The following ABTB3 variants were observed in gnomAD, a reference collection of about 807,000 sequenced individuals.
ABTB3 encodes the protein ankyrin repeat and BTB domain containing 3.
At chr12:107,427,218 C>A in the ABTB3 span, among the ~76,000 whole-genome samples, 3 of 152,052 alleles carry the variant, frequency 2.0e-5, no homozygotes, top group Non-Finnish European at 2.9e-5. Context: ...GTGGGTGCAC[C>A]ACTCCATTCT....
chr12:107,485,192 A>G, the ABTB3 span, among the ~76,000 whole-genome samples: 1 of 152,146 alleles, frequency 6.6e-6, no homozygotes, highest in African/African-American at 2.4e-5. Context: ...TTCAAACCTC[A>G]ACCCCTATGA....
the ABTB3 span, among the ~76,000 whole-genome samples, chr12:107,652,810 T>G: frequency 6.6e-6 from 1 of 152,260 alleles, no homozygotes; most frequent in Non-Finnish European, 1.5e-5. Context: ...CAGGTACCAC[T>G]GCATTTTGTT....
chr12:107,362,380 G>T, the ABTB3 span, among the ~76,000 whole-genome samples: 1 of 152,226 alleles, frequency 6.6e-6, no homozygotes, highest in South Asian at 2.1e-4. Context: ...ATGAGATGAG[G>T]CCTTCCATCT....
At chr12:107,378,014 A>G in the ABTB3 span, among the ~76,000 whole-genome samples, 3 of 152,226 alleles carry the variant, frequency 2.0e-5, no homozygotes, top group Non-Finnish European at 4.4e-5. Context: ...TGCAAAGCGA[A>G]AAAGTGGGGA....
the ABTB3 span, among the ~76,000 whole-genome samples, chr12:107,514,351 C>A: frequency 2.0e-5 from 3 of 151,894 alleles, no homozygotes; most frequent in East Asian, 1.9e-4. Flanking sequence ...TGAACTCCCC[C>A]CTTAGACAAA....
At chr12:107,354,822 A>G in the ABTB3 span, among the ~76,000 whole-genome samples, 2 of 152,022 alleles carry the variant, frequency 1.3e-5, no homozygotes, top group Non-Finnish European at 2.9e-5. Flanking sequence ...GTCTCAGTGA[A>G]GTCTGCCTGT....
chr12:107,507,457 AT>A, the ABTB3 span, among the ~76,000 whole-genome samples: 2 of 152,020 alleles, frequency 1.3e-5, no homozygotes, highest in East Asian at 3.9e-4. Context: ...CATCCCTCCC[AT>A]TGACTCCCTC....
chr12:107,564,914 A>G, the ABTB3 span, among the ~76,000 whole-genome samples: 1 of 152,280 alleles, frequency 6.6e-6, no homozygotes, highest in African/African-American at 2.4e-5. Flanking sequence ...AGCCCCATGC[A>G]GGAGCCATCT....
the ABTB3 span, among the ~76,000 whole-genome samples, chr12:107,652,149 C>G: frequency 3.3e-5 from 5 of 152,216 alleles, no homozygotes; most frequent in Non-Finnish European, 5.9e-5. Context: ...CTAAGGTACA[C>G]CTTCTAAGGT....
At chr12:107,617,961 G>A in the ABTB3 span, among the ~76,000 whole-genome samples, 1 of 152,038 alleles carries the variant, frequency 6.6e-6, no homozygotes, top group East Asian at 1.9e-4. Flanking sequence ...AAGGAAACAA[G>A]GCCAGTCATG....
the ABTB3 span, among the ~76,000 whole-genome samples, chr12:107,422,965 T>C: frequency 6.6e-6 from 1 of 152,242 alleles, no homozygotes; most frequent in African/African-American, 2.4e-5. Flanking sequence ...AGAATATTTC[T>C]TCCTCTATAG....
the ABTB3 span, among the ~76,000 whole-genome samples, chr12:107,573,543 C>T: frequency 6.6e-6 from 1 of 151,866 alleles, no homozygotes; most frequent in Non-Finnish European, 1.5e-5. Context: ...GACAGATAGA[C>T]AGATAGACAG....
At chr12:107,455,270 G>A in the ABTB3 span, among the ~76,000 whole-genome samples, 6 of 152,292 alleles carry the variant, frequency 3.9e-5, no homozygotes, top group South Asian at 1.0e-3. Flanking sequence ...TCTTAGGCAA[G>A]TTTTCTAAAG....
the ABTB3 span, among the ~76,000 whole-genome samples, chr12:107,476,334 T>TA: frequency 6.6e-6 from 1 of 151,986 alleles, no homozygotes; most frequent in Non-Finnish European, 1.5e-5. Context: ...TCACAGAACT[T>TA]AAAGTTGCCA....
the ABTB3 span, among the ~76,000 whole-genome samples, chr12:107,456,029 A>G: frequency 6.6e-6 from 1 of 152,244 alleles, no homozygotes; most frequent in South Asian, 2.1e-4. Flanking sequence ...GCGCTTGCAA[A>G]GAATGTGGAC....
the ABTB3 span, among the ~76,000 whole-genome samples, chr12:107,395,711 C>T: frequency 1.3e-5 from 2 of 152,222 alleles, no homozygotes; most frequent in Admixed American, 1.3e-4. Context: ...CATCCACCCC[C>T]AGTGGGGGCC....
At chr12:107,524,409 T>G in the ABTB3 span, among the ~76,000 whole-genome samples, 1 of 152,222 alleles carries the variant, frequency 6.6e-6, no homozygotes. Context: ...GCTCAGCCAA[T>G]GTGGAAACCA....
chr12:107,642,036 A>G, the ABTB3 span: 4 of 1,533,806 alleles, frequency 2.6e-6, no homozygotes, highest in Non-Finnish European at 3.6e-6. Flanking sequence ...GTTTTTTGTG[A>G]GCCATGGATT....
chr12:107,618,408 C>A, the ABTB3 span: 12 of 1,578,234 alleles, frequency 7.6e-6, no homozygotes, highest in Non-Finnish European at 1.0e-5. Context: ...ACCACGGGCA[C>A]CATGGTGCCC....
Sources: gnomAD v4.1 joint callset for allele counts (sites outside exome capture counted in the v4.1 genomes callset) on GRCh38, gnomAD v4.1.1 for gene constraint, MANE v1.5 for transcripts, NCBI Gene and HGNC (gene_info 2026-07-23, HGNC 2026-07-21) for gene names.